PLCXD3: variants seen among roughly 807,000 people sequenced by gnomAD.
PLCXD3 encodes the protein phosphatidylinositol specific phospholipase C X domain containing 3.
A neutral mutation model predicts 25.5 loss-of-function variants in PLCXD3; 19 were observed. The ratio of observed to expected loss-of-function variants is 0.75; its 90% CI spans 0.52 to 1.09. The LOEUF is 1.09. Ranked by LOEUF, PLCXD3 falls within the 50% of genes least tolerant of loss-of-function variation. The probability of loss-of-function intolerance (pLI) is 0.00; values close to 1 mark genes in which losing one functional copy is unlikely to be tolerated. For missense variants in PLCXD3, 411 were observed against 388.1 expected, an observed-to-expected ratio of 1.06 and a Z score of -0.50; for synonymous variants, 174 against 137.6, an observed-to-expected ratio of 1.26 and a Z score of -1.85.
At chr5:41,360,580 T>A (rs1328723828) in intron 2 of PLCXD3, among the ~76,000 whole-genome samples, 1 of 152,086 alleles carries the variant, frequency 6.6e-6, no homozygotes, top group Non-Finnish European at 1.5e-5. Flanking sequence ...CCTCTTCCCC[T>A]AAGAATGGGG....
chr5:41,395,931 G>A lies in PLCXD3; in HGVS notation c.104-13397C>T, dbSNP rs1464223413. 3.3e-5 allele frequency among the ~76,000 whole-genome samples: 5 copies of A among 151,122 alleles called. No homozygotes were observed. In the South Asian group the frequency reaches 1.0e-3, roughly 31 times the overall value. On this transcript the variant is annotated intron_variant, in intron 1 of 2. Coordinates refer to ENST00000377801, the MANE Select transcript of PLCXD3 (RefSeq NM_001005473.3). ...AACTATTCTAAAAATAGAGAAGGAG[G>A]GAAAATTTCCAAACTCATTCTATGA... is the stretch of plus-strand genomic sequence containing the variant.
At chr5:41,369,251 T>C (rs1177398762) in intron 2 of PLCXD3, among the ~76,000 whole-genome samples, 1 of 152,152 alleles carries the variant, frequency 6.6e-6, no homozygotes, top group Non-Finnish European at 1.5e-5. Flanking sequence ...GTTTTCAGGA[T>C]ACTTAACAAT....
At chr5:41,347,790 C>T (rs1235188684) in intron 2 of PLCXD3, among the ~76,000 whole-genome samples, 1 of 152,154 alleles carries the variant, frequency 6.6e-6, no homozygotes, top group African/African-American at 2.4e-5. Flanking sequence ...CAAAGAATCA[C>T]CAAAGAGGTG....
rs530119415 is a variant in PLCXD3, at chr5:41,310,651, A to G, written c.*2966T>C. 2 of 152,714 alleles carry G rather than the reference A, an allele frequency of 1.3e-5. No homozygotes were observed. Among genetic ancestry groups the G allele is most frequent in the Admixed American group, 6.5e-5 (1 of 15,282 alleles). 9.5% of individuals were successfully genotyped at this position (152,714 alleles called of 1,614,324 possible). On this transcript the variant is annotated 3_prime_UTR_variant, in exon 3 of 3. Coordinates refer to ENST00000377801, the MANE Select transcript of PLCXD3 (RefSeq NM_001005473.3). ...CCCCAGTGTGCTCCAGGGCAGAACT[A>G]ATGGATAGAAGACAGTCAAAGGCAC...
chr5:41,468,567 T>A (rs1476044219), intron 1 of PLCXD3, among the ~76,000 whole-genome samples: 1 of 152,192 alleles, frequency 6.6e-6, no homozygotes, highest in Admixed American at 6.6e-5. Flanking sequence ...TGTTTTATAG[T>A]TTTCAGCATT....
At position 41,312,153 on chromosome 5, in the gene PLCXD3, G is replaced by T. The variant is rs987932029; in HGVS notation, c.*1464C>A. The T allele has an allele frequency of 1.3e-5, 2 of 151,932 alleles. No individual in the cohort carries two copies. The highest frequency in any genetic ancestry group is 4.2e-4 in the South Asian group (2 of 4,810). The allele number at this position is 151,932 out of a possible 1,614,324, so 9.4% of individuals were successfully genotyped here. A position where few individuals can be genotyped will look rare whatever the true frequency, so the allele number is the denominator to read the frequency against. On this transcript the variant is annotated 3_prime_UTR_variant, in exon 3 of 3. Coordinates refer to ENST00000377801, the MANE Select transcript of PLCXD3 (RefSeq NM_001005473.3). ...ACAATGACACGAAGGAGGAAGTAAC[G>T]CTCAAGCTGTGTCATTGTTCTTCCC...
intron 2 of PLCXD3, among the ~76,000 whole-genome samples, chr5:41,377,476 T>C (rs932711661): frequency 6.6e-6 from 1 of 152,004 alleles, no homozygotes; most frequent in Non-Finnish European, 1.5e-5. Context: ...AACCTGTAAG[T>C]TAATAAACTT....
In PLCXD3 at chr5:41,312,665, TCCC is replaced by T. The variant is rs1347460261; in HGVS notation, c.*949_*951del. On this transcript the variant is annotated 3_prime_UTR_variant, in exon 3 of 3. Coordinates refer to ENST00000377801, the MANE Select transcript of PLCXD3 (RefSeq NM_001005473.3). The stretch of plus-strand genomic sequence containing the variant: ...TTCCCTCCCTTCTTCCCTCCCTTCC[TCCC>T]TCCCTTCCTTTCTTCCTTTCCTTCC... The T allele has an allele frequency of 7.1e-4, 91 of 128,890 alleles. No individual in the cohort carries two copies. The highest frequency in any genetic ancestry group is 2.6e-3 in the African/African-American group (91 of 34,548). 8.0% of individuals were successfully genotyped at this position (128,890 alleles called of 1,614,324 possible).
At chr5:41,396,290 G>A (rs185663984) in intron 1 of PLCXD3, among the ~76,000 whole-genome samples, 1 of 152,134 alleles carries the variant, frequency 6.6e-6, no homozygotes, top group East Asian at 1.9e-4. Flanking sequence ...AACGGATCTG[G>A]TTGTTTAAAA....
chr5:41,430,516 C>T (rs192208783), intron 1 of PLCXD3, among the ~76,000 whole-genome samples: 5 of 152,008 alleles, frequency 3.3e-5, no homozygotes, highest in African/African-American at 9.7e-5. Flanking sequence ...TTAATGAGGC[C>T]GAGAATATTT....
chr5:41,366,962 A>T (rs1362151665), intron 2 of PLCXD3, among the ~76,000 whole-genome samples: 1 of 152,172 alleles, frequency 6.6e-6, no homozygotes, highest in Non-Finnish European at 1.5e-5. Context: ...CCTGCAAAAG[A>T]CATGATCTCC....
chr5:41,396,789 C>A (rs79506252), intron 1 of PLCXD3, among the ~76,000 whole-genome samples: 2 of 152,216 alleles, frequency 1.3e-5, no homozygotes, highest in Non-Finnish European at 2.9e-5. Context: ...GAGCAAAGCT[C>A]GCACTTGCTA....
chr5:41,468,720 A>G (rs573299297), intron 1 of PLCXD3, among the ~76,000 whole-genome samples: 3 of 152,190 alleles, frequency 2.0e-5, no homozygotes, highest in Non-Finnish European at 4.4e-5. Context: ...TGTTGATTCT[A>G]TGTCCTGTAA....
intron 1 of PLCXD3, among the ~76,000 whole-genome samples, chr5:41,427,691 G>A (rs1171627902): frequency 2.0e-5 from 3 of 152,158 alleles, no homozygotes; most frequent in South Asian, 4.1e-4. Flanking sequence ...TTGCTTTTAA[G>A]GAAATCTTGA....
intron 1 of PLCXD3, among the ~76,000 whole-genome samples, chr5:41,392,924 T>C (rs1745880191): frequency 6.6e-6 from 1 of 152,160 alleles, no homozygotes; most frequent in Admixed American, 6.6e-5. Flanking sequence ...ACTGGTATAC[T>C]AAAGAATGCA....
intron 2 of PLCXD3, among the ~76,000 whole-genome samples, chr5:41,327,512 T>G (rs979476744): frequency 6.6e-6 from 1 of 152,204 alleles, no homozygotes; most frequent in Non-Finnish European, 1.5e-5. Flanking sequence ...CTTCTCAGAT[T>G]GCTGTGAGAG....
chr5:41,320,291 A>C (rs1219059821), intron 2 of PLCXD3, among the ~76,000 whole-genome samples: 1 of 152,132 alleles, frequency 6.6e-6, no homozygotes, highest in Non-Finnish European at 1.5e-5. Flanking sequence ...AACAAAACCA[A>C]AGACACACCT....
intron 2 of PLCXD3, among the ~76,000 whole-genome samples, chr5:41,358,680 C>A (rs2150484149): frequency 6.6e-6 from 1 of 152,266 alleles, no homozygotes; most frequent in East Asian, 1.9e-4. Context: ...AGTTTGACTT[C>A]CTTTTTATTG....
intron 1 of PLCXD3, among the ~76,000 whole-genome samples, chr5:41,406,376 T>A (rs1746351281): frequency 1.3e-5 from 2 of 152,188 alleles, no homozygotes; most frequent in Non-Finnish European, 2.9e-5. Context: ...ATCTGACAAC[T>A]AAATTTTATT....
Sources: gnomAD v4.1 joint callset for allele counts (sites outside exome capture counted in the v4.1 genomes callset) on GRCh38, gnomAD v4.1.1 for gene constraint, MANE v1.5 for transcripts, NCBI Gene and HGNC (gene_info 2026-07-23, HGNC 2026-07-21) for gene names.